The following COMMD6 variants were observed in gnomAD, a reference collection of about 807,000 sequenced individuals.
COMMD6 encodes the protein COMM domain containing 6.
In COMMD6, 11 loss-of-function variants were observed where a neutral mutation model predicts 13.4. The ratio of observed to expected loss-of-function variants is 0.82; its 90% CI spans 0.52 to 1.36. The LOEUF (loss-of-function observed/expected upper bound fraction) is 1.36, where lower values mean the gene tolerates loss of function less well. Among genes scored for constraint, COMMD6 ranks in the 40% most tolerant of loss-of-function variants. COMMD6 has a pLI of 0.00. For synonymous variants in COMMD6, 43 were observed against 36.5 expected (o/e 1.18, Z -0.64); for missense variants, 124 against 102.4 (o/e 1.21, Z -0.91).
intron 2 of COMMD6, chr13:75,537,254 A>G: frequency 7.1e-7 from 1 of 1,399,368 alleles, no homozygotes; most frequent in African/African-American, 1.4e-5. Flanking sequence ...TCCTAGCATT[A>G]TAAATGCATA....
At chr13:75,547,896 A>C (rs1178175085) in intron 1 of COMMD6, among the ~76,000 whole-genome samples, 1 of 152,240 alleles carries the variant, frequency 6.6e-6, no homozygotes, top group Non-Finnish European at 1.5e-5. Context: ...TTGGGAATAC[A>C]GCTTCAACAC....
At chr13:75,532,228 T>C (rs1251777332) in intron 2 of COMMD6, among the ~76,000 whole-genome samples, 1 of 152,200 alleles carries the variant, frequency 6.6e-6, no homozygotes, top group Non-Finnish European at 1.5e-5. Context: ...GAGTGTTCGC[T>C]TTTAGATAAT....
chr13:75,541,059 C>T (rs980744509), upstream of COMMD6, among the ~76,000 whole-genome samples: 5 of 152,208 alleles, frequency 3.3e-5, no homozygotes, highest in Non-Finnish European at 7.3e-5. Context: ...TCAAGTCCTA[C>T]ATACAGTCTG....
At chr13:75,537,552 C>T (rs2030716231) in intron 2 of COMMD6, 112 bp downstream of exon 2, 2 of 1,560,016 alleles carry the variant, frequency 1.3e-6, no homozygotes, top group African/African-American at 1.4e-5. Context: ...TGAAGGTCAC[C>T]GGCTCGCGGA....
intron 2 of COMMD6, among the ~76,000 whole-genome samples, chr13:75,532,933 GTTTT>G (rs1418511938): frequency 7.4e-6 from 1 of 134,624 alleles, no homozygotes; most frequent in Non-Finnish European, 1.6e-5. Context: ...TTTTTGTTTT[GTTTT>G]TTTTTTTTTT....
At chr13:75,539,449 A>G (rs2030787345), upstream of COMMD6, among the ~76,000 whole-genome samples, 1 of 152,154 alleles carries the variant, frequency 6.6e-6, no homozygotes, top group Admixed American at 6.5e-5. Context: ...CATATTGGGC[A>G]GGTTGATCTG....
upstream of COMMD6, among the ~76,000 whole-genome samples, chr13:75,541,519 C>G (rs1485070519): frequency 6.6e-6 from 1 of 151,998 alleles, no homozygotes; most frequent in Non-Finnish European, 1.5e-5. Context: ...GCCCGTTCAT[C>G]TCAATTCTCA....
chr13:75,532,624 G>A (rs941256593), intron 2 of COMMD6, among the ~76,000 whole-genome samples: 11 of 152,116 alleles, frequency 7.2e-5, no homozygotes, highest in Non-Finnish European at 7.4e-5. Context: ...GAGGTCAGGA[G>A]ATCAGAATCA....
upstream of COMMD6, among the ~76,000 whole-genome samples, chr13:75,541,437 A>G (rs534843612): frequency 3.3e-5 from 5 of 152,012 alleles, no homozygotes; most frequent in African/African-American, 1.2e-4. Flanking sequence ...GTGTGTATAT[A>G]TAGACATATG....
At chr13:75,544,900 T>C (rs892330800) in intron 1 of COMMD6, among the ~76,000 whole-genome samples, 2 of 126,768 alleles carry the variant, frequency 1.6e-5, no homozygotes, top group African/African-American at 5.7e-5. Flanking sequence ...CACTCCAGCC[T>C]GGGCGACCAA....
At chr13:75,548,790 A>G (rs1171206703) in intron 1 of COMMD6, among the ~76,000 whole-genome samples, 1 of 152,210 alleles carries the variant, frequency 6.6e-6, no homozygotes, top group Non-Finnish European at 1.5e-5. Flanking sequence ...GGGCTCCTGG[A>G]ATTTGCAGTT....
In COMMD6 at chr13:75,525,269, C is replaced by A. The variant is rs548522076; in HGVS notation, c.*1320G>T. The A allele has an allele frequency of 6.6e-6, 1 of 152,258 alleles. No individual in the cohort carries two copies. The highest frequency in any genetic ancestry group is 2.4e-5 in the African/African-American group (1 of 41,538). 9.4% of individuals were successfully genotyped at this position (152,258 alleles called of 1,614,324 possible). A position where few individuals can be genotyped will look rare whatever the true frequency, so the allele number is the denominator to read the frequency against. On this transcript the variant is annotated 3_prime_UTR_variant, in exon 4 of 4. Coordinates refer to ENST00000682242, the MANE Select transcript of COMMD6 (RefSeq NM_203495.4). ...GCTACCCACAGTGTTTGAGCCAGGG[C>A]CTAACTTTGGGTCTTTTTGCATATT...
At chr13:75,535,278 G>A (rs1339847189) in intron 2 of COMMD6, among the ~76,000 whole-genome samples, 1 of 152,156 alleles carries the variant, frequency 6.6e-6, no homozygotes, top group Non-Finnish European at 1.5e-5. Flanking sequence ...ATCTTCGAAG[G>A]GCCCTGTAGG....
At position 75,537,838 on chromosome 13, in the gene COMMD6, AG is replaced by A. The variant is rs757685201; in HGVS notation, c.-34del. The A allele has an allele frequency of 1.3e-6, 2 of 1,573,426 alleles. No homozygotes were observed. The highest frequency in any genetic ancestry group is 1.7e-6 in the Non-Finnish European group (2 of 1,157,846). On this transcript the variant is annotated 5_prime_UTR_variant, in exon 1 of 4. Transcript: ENST00000682242. ...GTCTGGGACTTGCGGCCCGGACTCG[AG>A]AGAACGCCCCCAGACCAGCGCTTCC... is the stretch of plus-strand genomic sequence containing the variant.
upstream of COMMD6, among the ~76,000 whole-genome samples, chr13:75,539,924 T>G (rs1428688164): frequency 1.3e-5 from 2 of 151,876 alleles, no homozygotes; most frequent in African/African-American, 4.8e-5. Flanking sequence ...AGAACACTGC[T>G]GTGCATCCAG....
chr13:75,541,578 T>A (rs1263113757), upstream of COMMD6, among the ~76,000 whole-genome samples: 2 of 151,954 alleles, frequency 1.3e-5, no homozygotes. Context: ...TCTGGAGTGA[T>A]GTGTTACTAT....
chr13:75,536,850 G>C (rs1190723177), intron 2 of COMMD6, among the ~76,000 whole-genome samples: 1 of 152,108 alleles, frequency 6.6e-6, no homozygotes. Flanking sequence ...AAAACTTAAC[G>C]TAAGAGAATG....
At chr13:75,541,616 T>C (rs1456867753), upstream of COMMD6, among the ~76,000 whole-genome samples, 2 of 151,986 alleles carry the variant, frequency 1.3e-5, no homozygotes, top group African/African-American at 4.8e-5. Flanking sequence ...GCTGTGTTCA[T>C]AAGGCGTAGA....
intron 1 of COMMD6, among the ~76,000 whole-genome samples, chr13:75,547,685 G>A (rs770950201): frequency 6.6e-6 from 1 of 152,136 alleles, no homozygotes; most frequent in East Asian, 1.9e-4. Flanking sequence ...TAAACCAGAC[G>A]GTGGAAGTTA....
Sources: gnomAD v4.1 joint callset for allele counts (sites outside exome capture counted in the v4.1 genomes callset) on GRCh38, gnomAD v4.1.1 for gene constraint, MANE v1.5 for transcripts, NCBI Gene and HGNC (gene_info 2026-07-23, HGNC 2026-07-21) for gene names.